HOMER2: variants seen among roughly 807,000 people sequenced by gnomAD.
HOMER2 encodes homer protein homolog 2.
Under a neutral mutation model 47.0 loss-of-function variants are expected in HOMER2, and 27 were observed. That is an observed-to-expected ratio of 0.57 (90% CI 0.42 to 0.79). HOMER2 has a LOEUF of 0.79. Among genes scored for constraint, HOMER2 ranks in the 30% least tolerant of loss-of-function variants. The probability of loss-of-function intolerance (pLI) is 0.00; values close to 1 mark genes in which losing one functional copy is unlikely to be tolerated. For synonymous variants in HOMER2, 161 were observed against 163.8 expected (o/e 0.98, Z 0.13); for missense variants, 443 against 435.0 (o/e 1.02, Z -0.16).
chr15:82,881,191 C>A (rs900474967), intron 2 of HOMER2, among the ~76,000 whole-genome samples: 3 of 152,198 alleles, frequency 2.0e-5, no homozygotes, highest in African/African-American at 7.2e-5. Flanking sequence ...AAGACCCAGT[C>A]CTGCAGATCA....
intron 1 of HOMER2, among the ~76,000 whole-genome samples, chr15:82,901,306 G>GT (rs1455808762): frequency 6.6e-6 from 1 of 152,160 alleles, no homozygotes; most frequent in African/African-American, 2.4e-5. Flanking sequence ...AGGCAAAGGG[G>GT]TGCAGAGGAG....
intron 2 of HOMER2, 47 bp downstream of exon 2, chr15:82,892,638 G>C (rs748586670): frequency 1.4e-6 from 2 of 1,410,206 alleles, no homozygotes; most frequent in Non-Finnish European, 1.9e-6. Flanking sequence ...CATCTTGGAT[G>C]AAAGATAAGC....
At chr15:82,985,373 A>G (rs551228801) in intron 1 of HOMER2, among the ~76,000 whole-genome samples, 3 of 152,294 alleles carry the variant, frequency 2.0e-5, no homozygotes, top group African/African-American at 7.2e-5. Flanking sequence ...GTGATGCTAG[A>G]GGCAGGACAT....
chr15:82,894,890 G>A (rs940338250), intron 1 of HOMER2, among the ~76,000 whole-genome samples: 7 of 151,578 alleles, frequency 4.6e-5, no homozygotes, highest in Non-Finnish European at 1.0e-4. Flanking sequence ...ATGATTTTAG[G>A]CGAAGCAGTC....
intron 1 of HOMER2, among the ~76,000 whole-genome samples, chr15:82,934,033 A>G (rs367623548): frequency 2.6e-5 from 4 of 152,240 alleles, no homozygotes; most frequent in South Asian, 4.1e-4. Flanking sequence ...CCTTCTGGAA[A>G]TCAGCAGGCC....
chr15:82,937,321 C>T (rs757503081), intron 1 of HOMER2, among the ~76,000 whole-genome samples: 44 of 152,202 alleles, frequency 2.9e-4, no homozygotes, highest in Non-Finnish European at 8.8e-5. Context: ...GTGACAGAAA[C>T]TTGGATTTTG....
intron 1 of HOMER2, among the ~76,000 whole-genome samples, chr15:82,897,061 A>ATT (rs1489192383): frequency 4.3e-5 from 2 of 46,022 alleles, no homozygotes; most frequent in Non-Finnish European, 1.1e-4. Context: ...ATTTGATGTC[A>ATT]TTTCTTTTTT....
intron 1 of HOMER2, among the ~76,000 whole-genome samples, chr15:82,962,071 A>T (rs67022650): frequency 0.19 from 29,377 of 151,714 alleles, 3,058 homozygotes; most frequent in Non-Finnish European, 0.22. Flanking sequence ...GCCCACACAA[A>T]CTTTTAAAAA....
chr15:82,911,647 T>G (rs1446276814), intron 1 of HOMER2, among the ~76,000 whole-genome samples: 1 of 152,252 alleles, frequency 6.6e-6, no homozygotes, highest in East Asian at 1.9e-4. Context: ...GCTATATGTG[T>G]GTGTTCCAAT....
intron 1 of HOMER2, among the ~76,000 whole-genome samples, chr15:82,938,978 G>T (rs1275572890): frequency 6.6e-6 from 1 of 152,158 alleles, no homozygotes; most frequent in Non-Finnish European, 1.5e-5. Flanking sequence ...CCAGTTGCAG[G>T]CCTTGGCCAG....
chr15:82,894,323 C>G (rs1298606542), intron 1 of HOMER2, among the ~76,000 whole-genome samples: 1 of 152,140 alleles, frequency 6.6e-6, no homozygotes, highest in African/African-American at 2.4e-5. Context: ...AGACTTATCA[C>G]AAAATACATT....
At chr15:82,946,318 C>A (rs947633293) in intron 1 of HOMER2, among the ~76,000 whole-genome samples, 6 of 152,194 alleles carry the variant, frequency 3.9e-5, no homozygotes, top group Admixed American at 1.3e-4. Context: ...CAGTTTCCAA[C>A]GAGAATGATG....
chr15:82,836,153 TTC>T (rs1177532068), downstream of HOMER2: 1 of 152,282 alleles, frequency 6.6e-6, no homozygotes, highest in Non-Finnish European at 1.5e-5. Flanking sequence ...CTCTGGAACC[TTC>T]TCTCCTTCCT....
At chr15:82,896,227 G>A (rs946346688) in intron 1 of HOMER2, among the ~76,000 whole-genome samples, 1 of 152,254 alleles carries the variant, frequency 6.6e-6, no homozygotes, top group East Asian at 1.9e-4. Context: ...GTAGCCTTCC[G>A]CAAGCACTCT....
intron 1 of HOMER2, among the ~76,000 whole-genome samples, chr15:82,943,856 C>T (rs545474394): frequency 4.6e-5 from 7 of 152,322 alleles, no homozygotes; most frequent in South Asian, 2.1e-4. Context: ...GCCCTCACTT[C>T]GGCCCTCCTT....
Position 82,952,628 on chromosome 15 carries a change from G to A in HOMER2, c.-93C>T. On this transcript the variant is annotated 5_prime_UTR_variant, in exon 1 of 9. Coordinates refer to ENST00000450735, the MANE Select transcript of HOMER2 (RefSeq NM_004839.4). ...CGCTCCCCGCGCGGCACATGCGGCG[G>A]CCCGTGCGCGCCCGGCTCAGCCCCG... 9.7e-7 allele frequency: 1 copy of A among 1,033,186 alleles called. No individual in the cohort carries two copies. Among genetic ancestry groups the A allele is most frequent in the Non-Finnish European group, 1.2e-6 (1 of 862,550 alleles). The allele number at this position is 1,033,186 out of a possible 1,614,324, so 64.0% of individuals were successfully genotyped here.
At chr15:82,880,920 A>T (rs1352792062) in intron 2 of HOMER2, among the ~76,000 whole-genome samples, 1 of 152,198 alleles carries the variant, frequency 6.6e-6, no homozygotes, top group Non-Finnish European at 1.5e-5. Flanking sequence ...CAGCCCTGGG[A>T]GCCAAGGGTG....
chr15:82,899,800 A>G (rs1270096730), intron 1 of HOMER2, among the ~76,000 whole-genome samples: 2 of 152,182 alleles, frequency 1.3e-5, no homozygotes, highest in Non-Finnish European at 2.9e-5. Context: ...AGGTGGGCGG[A>G]TCACTTGAGG....
At chr15:82,976,664 A>C (rs532657520) in intron 1 of HOMER2, among the ~76,000 whole-genome samples, 382 of 143,968 alleles carry the variant, frequency 2.7e-3, no homozygotes, top group Non-Finnish European at 4.4e-3. Flanking sequence ...ATTAGATCTT[A>C]AGATTTGTGT....
Sources: allele counts gnomAD v4.1 joint callset (sites outside exome capture counted in the v4.1 genomes callset), GRCh38; gene constraint gnomAD v4.1.1; transcripts MANE v1.5; gene names NCBI Gene and HGNC (gene_info 2026-07-23, HGNC 2026-07-21).